The following BTRC variants were observed in gnomAD, a reference collection of about 807,000 sequenced individuals.
BTRC encodes the protein F-box/WD repeat-containing protein 1A.
BTRC carries 42 observed loss-of-function variants against 85.5 expected under a neutral mutation model. The ratio of observed to expected loss-of-function variants is 0.49; its 90% CI spans 0.38 to 0.64. The LOEUF (loss-of-function observed/expected upper bound fraction) is 0.64, where lower values mean the gene tolerates loss of function less well. Among genes scored for constraint, BTRC ranks in the 30% least tolerant of loss-of-function variants. The pLI is 0.00. For missense variants in BTRC, 594 were observed against 743.5 expected, an observed-to-expected ratio of 0.80 and a Z score of 2.34; for synonymous variants, 255 against 263.3, an observed-to-expected ratio of 0.97 and a Z score of 0.30.
intron 1 of BTRC, among the ~76,000 whole-genome samples, chr10:101,399,253 C>T (rs1943438321): frequency 6.6e-6 from 1 of 151,372 alleles, no homozygotes; most frequent in South Asian, 2.1e-4. Flanking sequence ...TCATGCCTAT[C>T]CAGAAACCTA....
chr10:101,496,753 G>A (rs986795322), intron 4 of BTRC, among the ~76,000 whole-genome samples: 3 of 151,910 alleles, frequency 2.0e-5, no homozygotes, highest in Non-Finnish European at 4.4e-5. Flanking sequence ...TGAAGTTCTT[G>A]TTCAACGCAT....
At chr10:101,525,254 C>G (rs563516370) in intron 5 of BTRC, among the ~76,000 whole-genome samples, 28 of 152,284 alleles carry the variant, frequency 1.8e-4, no homozygotes, top group Admixed American at 1.6e-3. Flanking sequence ...GATCTGTTCT[C>G]CACTGTTTTC....
intron 1 of BTRC, among the ~76,000 whole-genome samples, chr10:101,382,795 T>G (rs994460549): frequency 3.9e-5 from 6 of 152,170 alleles, no homozygotes; most frequent in Admixed American, 2.0e-4. Context: ...TTCTAAATAA[T>G]TTTTTTCTTT....
At chr10:101,456,310 G>A (rs972695657) in intron 2 of BTRC, among the ~76,000 whole-genome samples, 4 of 152,086 alleles carry the variant, frequency 2.6e-5, no homozygotes, top group African/African-American at 9.7e-5. Flanking sequence ...TAGAGTAGAA[G>A]CAGTGGAAAT....
At chr10:101,374,929 T>C (rs1056903750) in intron 1 of BTRC, among the ~76,000 whole-genome samples, 8 of 152,162 alleles carry the variant, frequency 5.3e-5, no homozygotes, top group Non-Finnish European at 8.8e-5. Context: ...CGCTGTCTAT[T>C]GGGAACACAG....
At chr10:101,538,437 C>A (rs958133023) in intron 13 of BTRC, 66 bp downstream of exon 13, 11 of 1,398,178 alleles carry the variant, frequency 7.9e-6, no homozygotes, top group Non-Finnish European at 1.0e-5. Context: ...CGTTGATGTG[C>A]TGTGGAATAT....
At chr10:101,366,909 A>ATATAT (rs1942431526) in intron 1 of BTRC, among the ~76,000 whole-genome samples, 1 of 19,294 alleles carries the variant, frequency 5.2e-5, no homozygotes, top group African/African-American at 1.7e-4. Context: ...TATATATATT[A>ATATAT]ATATATATTT....
intron 14 of BTRC, among the ~76,000 whole-genome samples, chr10:101,552,626 G>C (rs1220424015): frequency 1.1e-4 from 16 of 152,034 alleles, no homozygotes; most frequent in Non-Finnish European, 4.4e-5. Flanking sequence ...TAATCTCCAG[G>C]CCACATTTCC....
intron 13 of BTRC, among the ~76,000 whole-genome samples, chr10:101,545,077 A>T (rs1449146190): frequency 6.6e-6 from 1 of 151,816 alleles, no homozygotes; most frequent in Non-Finnish European, 1.5e-5. Context: ...AAAAAGCTAG[A>T]TTGACAGTGT....
chr10:101,490,272 C>T (rs1053093043), intron 4 of BTRC, among the ~76,000 whole-genome samples: 1 of 151,060 alleles, frequency 6.6e-6, no homozygotes, highest in Non-Finnish European at 1.5e-5. Flanking sequence ...TTCCTTTCTT[C>T]TTCCTTCCTT....
At chr10:101,515,674 G>T (rs1266597297) in intron 4 of BTRC, among the ~76,000 whole-genome samples, 1 of 152,034 alleles carries the variant, frequency 6.6e-6, no homozygotes, top group East Asian at 1.9e-4. Flanking sequence ...ACCACGCCCG[G>T]CTAATTTTTT....
Position 101,555,412 on chromosome 10 carries a change from G to C in BTRC, c.*2289G>C, listed in dbSNP as rs2062712190. The C allele has an allele frequency of 6.5e-6, 1 of 152,672 alleles. No individual in the cohort carries two copies. Among genetic ancestry groups the C allele is most frequent in the African/African-American group, 2.4e-5 (1 of 41,470 alleles). The allele number at this position is 152,672 out of a possible 1,614,324, so 9.5% of individuals were successfully genotyped here. A position where few individuals can be genotyped will look rare whatever the true frequency, so the allele number is the denominator to read the frequency against. On this transcript the variant is annotated 3_prime_UTR_variant, in exon 15 of 15. Transcript: ENST00000370187. The stretch of plus-strand genomic sequence containing the variant: ...GACATGTCCAGTACATCACAAAGGA[G>C]ATCGGGGCGACCCCTGCAGATGTGG...
intron 2 of BTRC, among the ~76,000 whole-genome samples, chr10:101,439,240 T>G (rs1186251495): frequency 6.6e-6 from 1 of 152,228 alleles, no homozygotes; most frequent in African/African-American, 2.4e-5. Context: ...AAATTGGATG[T>G]GTGCCTGAGC....
chr10:101,366,951 T>TATATAA (rs1564730534), intron 1 of BTRC, among the ~76,000 whole-genome samples: 1 of 52,954 alleles, frequency 1.9e-5, no homozygotes, highest in Non-Finnish European at 3.9e-5. Flanking sequence ...TATATATTTA[T>TATATAA]ATATATATTT....
At chr10:101,458,564 A>G in intron 2 of BTRC, among the ~76,000 whole-genome samples, 1 of 152,230 alleles carries the variant, frequency 6.6e-6, no homozygotes, top group East Asian at 1.9e-4. Flanking sequence ...CACCTACAGA[A>G]CTTACTAAAA....
chr10:101,546,308 A>C (rs974170843), intron 13 of BTRC, among the ~76,000 whole-genome samples: 4 of 152,232 alleles, frequency 2.6e-5, no homozygotes, highest in Non-Finnish European at 1.5e-5. Flanking sequence ...ACTAATGGAA[A>C]GATAGCTGAA....
intron 2 of BTRC, among the ~76,000 whole-genome samples, chr10:101,449,249 T>C (rs1442962022): frequency 6.6e-6 from 1 of 151,684 alleles, no homozygotes; most frequent in African/African-American, 2.4e-5. Flanking sequence ...GCAAGGAAGA[T>C]ATCCAAGGGG....
At position 101,455,983 on chromosome 10, in the gene BTRC, A is replaced by AACACACACACAAACAC. The variant is rs1208791807; in HGVS notation, c.157-5987_157-5986insAACACACACACACACA. Among the ~76,000 whole-genome samples, 150 of 96,044 alleles carry AACACACACACAAACAC rather than the reference A, an allele frequency of 1.6e-3. 4 individuals are homozygous for AACACACACACAAACAC. In the East Asian group the frequency reaches 0.035, roughly 22 times the overall value. The allele number at this position is 96,044 out of a possible 152,430, so 63.0% of individuals were successfully genotyped here. A position where few individuals can be genotyped will look rare whatever the true frequency, so the allele number is the denominator to read the frequency against. On this transcript the variant is annotated intron_variant, in intron 2 of 14. Coordinates refer to ENST00000370187, the MANE Select transcript of BTRC (RefSeq NM_033637.4). Reference sequence around the variant, plus strand: ...ATGGTGAAACTCTGTCTCTACTAAAAACACACACACACACACACACACACA... The same window carrying AACACACACACAAACAC: ...ATGGTGAAACTCTGTCTCTACTAAAAACACACACACAAACACACACACACACACACACACACACACA...
In BTRC at chr10:101,534,917, A is replaced by G. The variant is rs768349249; in HGVS notation, c.1347+7A>G. Reference sequence around the variant, plus strand: ...TGGGGATAGAACTATAAAGGTAATAAGGCATTTTTCAGTAAGTTTCCAACT... The same window carrying G: ...TGGGGATAGAACTATAAAGGTAATAGGGCATTTTTCAGTAAGTTTCCAACT... On this transcript the variant is annotated splice_region_variant and intron_variant, in intron 10 of 14. Transcript: ENST00000370187. 1.9e-6 allele frequency: 3 copies of G among 1,607,632 alleles called. No individual in the cohort carries two copies. The highest frequency in any genetic ancestry group is 2.7e-5 in the African/African-American group (2 of 74,814).
Sources: gnomAD v4.1 joint callset for allele counts (sites outside exome capture counted in the v4.1 genomes callset) on GRCh38, gnomAD v4.1.1 for gene constraint, MANE v1.5 for transcripts, NCBI Gene and HGNC (gene_info 2026-07-23, HGNC 2026-07-21) for gene names.